The following FABP4 variants were observed in gnomAD, a reference collection of about 807,000 sequenced individuals.
FABP4 encodes the protein fatty acid-binding protein, adipocyte.
Under a neutral mutation model 14.6 loss-of-function variants are expected in FABP4, and 17 were observed. The observed-to-expected ratio is 1.16, with a 90% CI of 0.80 to 1.74. The LOEUF (loss-of-function observed/expected upper bound fraction) is 1.74, where lower values mean the gene tolerates loss of function less well. FABP4 is among the 40% of genes most tolerant of loss of function. The probability of loss-of-function intolerance (pLI) is 0.00; values close to 1 mark genes in which losing one functional copy is unlikely to be tolerated. For missense variants in FABP4, 149 were observed against 160.3 expected, an observed-to-expected ratio of 0.93 and a Z score of 0.38; for synonymous variants, 54 against 54.6, an observed-to-expected ratio of 0.99 and a Z score of 0.05.
intron 1 of FABP4, among the ~76,000 whole-genome samples, chr8:81,482,870 C>G (rs1051118435): frequency 6.6e-6 from 1 of 152,188 alleles, no homozygotes. Context: ...CATTTAGACA[C>G]CTTTTTATAT....
At chr8:81,479,064 A>T in intron 3 of FABP4, 149 bp from the exon 4 acceptor site, 1 of 687,486 alleles carries the variant, frequency 1.5e-6, no homozygotes. Flanking sequence ...TTGTAATAAG[A>T]TAGGGAGATA....
At chr8:81,480,358 A>T in intron 2 of FABP4, 68 bp downstream of exon 2, 1 of 1,423,996 alleles carries the variant, frequency 7.0e-7, no homozygotes, top group East Asian at 2.4e-5. Context: ...TTATCATAAA[A>T]TGATTTCTTA....
chr8:81,480,494 T>G lies in FABP4; in HGVS notation c.178A>C (p.Asn60His). 1 of 1,613,910 alleles carries G rather than the reference T, an allele frequency of 6.2e-7. No homozygotes were observed. The highest frequency in any genetic ancestry group is 8.5e-7 in the Non-Finnish European group (1 of 1,179,828). Reference sequence around the variant, plus strand: ...CCCAGTATGAAGGAAATCTCAGTATTTTTAAAGGTACTTTCAGATTTAATG... The same window carrying G: ...CCCAGTATGAAGGAAATCTCAGTATGTTTAAAGGTACTTTCAGATTTAATG... ...ITIKSESTFK[N>H]TEISFILGQE... The change falls in exon 2 of 4, where the codon AAT becomes CAT. Residue 60 changes from asparagine to histidine, a missense_variant. By Grantham distance (68) the Asn-to-His change is moderately conservative. Coordinates refer to ENST00000256104, the MANE Select transcript of FABP4 (RefSeq NM_001442.3).
chr8:81,480,249 A>G (rs1319420699), intron 2 of FABP4, among the ~76,000 whole-genome samples, 177 bp downstream of exon 2: 1 of 152,164 alleles, frequency 6.6e-6, no homozygotes, highest in Non-Finnish European at 1.5e-5. Context: ...ACAACTTAAT[A>G]AAATGGGGAA....
rs935837913 is a variant in FABP4 at position 81,479,067 on chromosome 8, G to A, written c.349-152C>T. 2.8e-4 allele frequency: 193 copies of A among 688,882 alleles called. 1 individual carries two copies. Among genetic ancestry groups the A allele is most frequent in the Non-Finnish European group, 3.9e-5 (16 of 407,160 alleles). 42.7% of individuals were successfully genotyped at this position (688,882 alleles called of 1,614,324 possible). On this transcript the variant is annotated intron_variant, in intron 3 of 3. Coordinates refer to ENST00000256104, the MANE Select transcript of FABP4 (RefSeq NM_001442.3). ...GTAACCCATATATTGTAATAAGATA[G>A]GGAGATATAAAGACCAGGAAAATAC...
At chr8:81,479,010 C>A in intron 3 of FABP4, 95 bp from the exon 4 acceptor site, 2 of 1,059,402 alleles carry the variant, frequency 1.9e-6, no homozygotes, top group Non-Finnish European at 1.5e-6. Flanking sequence ...AATATTCATT[C>A]CAAAGATATT....
chr8:81,480,893 T>C (rs1212545544), intron 1 of FABP4, among the ~76,000 whole-genome samples: 2 of 152,166 alleles, frequency 1.3e-5, no homozygotes, highest in Non-Finnish European at 2.9e-5. Flanking sequence ...AGGAGACCCA[T>C]TGTTTATTTT....
rs184662409 is a variant in FABP4 at position 81,481,108 on chromosome 8, G to A, written c.74-510C>T. Among the ~76,000 whole-genome samples, 96 of 152,236 alleles carry A rather than the reference G, an allele frequency of 6.3e-4. No homozygotes were observed. The South Asian group carries it at 8.7e-3, about 14-fold the overall frequency. On this transcript the variant is annotated intron_variant, in intron 1 of 3. Transcript: ENST00000256104. ...TGTAGAGTTATTTAGTTAAAGGTTC[G>A]TCTGTTTTGAGTATACAAAAGTCAC...
chr8:81,483,222 G>A lies in FABP4; in HGVS notation c.-55C>T, dbSNP rs926908618. 9 of 1,428,202 alleles carry A rather than the reference G, an allele frequency of 6.3e-6. No individual in the cohort carries two copies. The East Asian group carries it at 1.8e-4, about 29-fold the overall frequency. 88.5% of individuals were successfully genotyped at this position (1,428,202 alleles called of 1,614,324 possible). On this transcript the variant is annotated 5_prime_UTR_variant, in exon 1 of 4. Transcript: ENST00000256104. ...GGTGAGAAGGAAGCTGCAGTTTTCA[G>A]GAGGGTGCTGTGACCCTCTTGAGTC...
intron 1 of FABP4, among the ~76,000 whole-genome samples, chr8:81,482,254 C>T (rs1808090881): frequency 6.6e-6 from 1 of 152,082 alleles, no homozygotes; most frequent in African/African-American, 2.4e-5. Context: ...AAATTCCTCC[C>T]CAGTTTGCTA....
chr8:81,480,412 T>A lies in FABP4; in HGVS notation c.246+14A>T. 1 of 1,612,246 alleles carries A rather than the reference T, an allele frequency of 6.2e-7. No homozygotes were observed. The highest frequency in any genetic ancestry group is 1.7e-4 in the Middle Eastern group (1 of 6,050). On this transcript the variant is annotated intron_variant, in intron 2 of 3. Coordinates refer to ENST00000256104, the MANE Select transcript of FABP4 (RefSeq NM_001442.3). Reference sequence around the variant, plus strand: ...AACCAGGCATGTACTCTGTGCCACTTCCTTATTTCTCACCTTGACTTTCCT... The same window carrying A: ...AACCAGGCATGTACTCTGTGCCACTACCTTATTTCTCACCTTGACTTTCCT...
At chr8:81,482,597 C>A (rs1808096103) in intron 1 of FABP4, among the ~76,000 whole-genome samples, 1 of 152,040 alleles carries the variant, frequency 6.6e-6, no homozygotes, top group South Asian at 2.1e-4. Flanking sequence ...CATAAAACAA[C>A]CACATATTTT....
chr8:81,483,083 G>T lies in FABP4; in HGVS notation c.73+12C>A, dbSNP rs746621810. The T allele has an allele frequency of 4.4e-6, 7 of 1,591,826 alleles. No individual in the cohort carries two copies. In the Admixed American group the frequency reaches 6.8e-5, roughly 15 times the overall value. ...ATTATAAATCCAGTCATTCCACAACGCATTTCCTTACCTACTTCTTTCATA... is the reference window on the plus strand; with the variant it reads ...ATTATAAATCCAGTCATTCCACAACTCATTTCCTTACCTACTTCTTTCATA... On this transcript the variant is annotated intron_variant, in intron 1 of 3. Coordinates refer to ENST00000256104, the MANE Select transcript of FABP4 (RefSeq NM_001442.3).
rs553187049 is a variant in FABP4 at position 81,480,310 on chromosome 8, A to G, written c.246+116T>C. The G allele has an allele frequency of 1.2e-5, 12 of 1,004,682 alleles. No homozygotes were observed. In the African/African-American group the frequency reaches 1.8e-4, roughly 15 times the overall value. The allele number at this position is 1,004,682 out of a possible 1,614,324, so 62.2% of individuals were successfully genotyped here. On this transcript the variant is annotated intron_variant, in intron 2 of 3. Coordinates refer to ENST00000256104, the MANE Select transcript of FABP4 (RefSeq NM_001442.3). Reference sequence around the variant, plus strand: ...AAACACAGTTTAGATGTAGGAGTTCAGGGATCTTTGGCTTATGATAAAATG... The same window carrying G: ...AAACACAGTTTAGATGTAGGAGTTCGGGGATCTTTGGCTTATGATAAAATG...
chr8:81,478,988 T>C, intron 3 of FABP4, 73 bp from the exon 4 acceptor site: 1 of 1,292,122 alleles, frequency 7.7e-7, no homozygotes, highest in Non-Finnish European at 1.1e-6. Flanking sequence ...CTCTGAATGT[T>C]GGGAATAAAA....
At position 81,478,791 on chromosome 8, in the gene FABP4, C is replaced by T. The variant is rs1432642951; in HGVS notation, c.*74G>A. On this transcript the variant is annotated 3_prime_UTR_variant, in exon 4 of 4. Transcript: ENST00000256104. Reference sequence around the variant, plus strand: ...GCTAAATCATGGAAAACAACAATATCTTTTTGAACAATATATCCCACAGAA... The same window carrying T: ...GCTAAATCATGGAAAACAACAATATTTTTTTGAACAATATATCCCACAGAA... 5 of 1,333,530 alleles carry T rather than the reference C, an allele frequency of 3.7e-6. No individual in the cohort carries two copies. Among genetic ancestry groups the T allele is most frequent in the Non-Finnish European group, 5.2e-6 (5 of 957,030 alleles). The allele number at this position is 1,333,530 out of a possible 1,614,324, so 82.6% of individuals were successfully genotyped here.
At chr8:81,479,359 A>T (rs1448462677) in intron 3 of FABP4, 55 bp downstream of exon 3, 4 of 1,344,764 alleles carry the variant, frequency 3.0e-6, no homozygotes, top group Non-Finnish European at 4.3e-6. Context: ...TGGAATAGTG[A>T]TCATGAGATA....
Position 81,483,160 on chromosome 8 carries a change from T to C in FABP4, c.8A>G (p.Asp3Gly). The change falls in exon 1 of 4, where the codon GAT becomes GGT. Residue 3 changes from aspartate to glycine, a missense_variant. By Grantham distance (94) the Asp-to-Gly change is moderately conservative. Coordinates refer to ENST00000256104, the MANE Select transcript of FABP4 (RefSeq NM_001442.3). MC[D>G]AFVGTWKLVS... Reference sequence around the variant, plus strand: ...AAGTTTCCAGGTACCTACAAAAGCATCACACATTTTGTGAGTTTTCTAGGA... The same window carrying C: ...AAGTTTCCAGGTACCTACAAAAGCACCACACATTTTGTGAGTTTTCTAGGA... 1 of 1,609,788 alleles carries C rather than the reference T, an allele frequency of 6.2e-7. No homozygotes were observed. Among genetic ancestry groups the C allele is most frequent in the South Asian group, 1.1e-5 (1 of 89,954 alleles).
In FABP4 at chr8:81,478,800, C is replaced by T. The variant is rs533859540; in HGVS notation, c.*65G>A. On this transcript the variant is annotated 3_prime_UTR_variant, in exon 4 of 4. Transcript: ENST00000256104. ...TGGAAAACAACAATATCTTTTTGAA[C>T]AATATATCCCACAGAATGTTGTAGA... is the stretch of plus-strand genomic sequence containing the variant. 1.0e-5 allele frequency: 14 copies of T among 1,365,410 alleles called. No homozygotes were observed. The East Asian group carries it at 3.0e-4, about 30-fold the overall frequency. The allele number at this position is 1,365,410 out of a possible 1,614,324, so 84.6% of individuals were successfully genotyped here. A position where few individuals can be genotyped will look rare whatever the true frequency, so the allele number is the denominator to read the frequency against.
Sources: gnomAD v4.1 joint callset for allele counts (sites outside exome capture counted in the v4.1 genomes callset) on GRCh38, gnomAD v4.1.1 for gene constraint, MANE v1.5 for transcripts, NCBI Gene and HGNC (gene_info 2026-07-23, HGNC 2026-07-21) for gene names.